Variants in DNAH12 observed in about 807,000 individuals in gnomAD.
The protein encoded by DNAH12 is dynein axonemal heavy chain 12.
A neutral mutation model predicts 371.5 loss-of-function variants in DNAH12; 285 were observed. That is an observed-to-expected ratio of 0.77 (90% CI 0.70 to 0.85). The LOEUF is 0.85. Among genes scored for constraint, DNAH12 ranks in the 40% least tolerant of loss-of-function variants. DNAH12 has a pLI of 0.00. For missense variants in DNAH12, 3,611 were observed against 3,689.4 expected, an observed-to-expected ratio of 0.98 and a Z score of 0.55; for synonymous variants, 1,200 against 1,213.0, an observed-to-expected ratio of 0.99 and a Z score of 0.22.
At chr3:57,505,918 A>AT (rs911267471) in intron 8 of DNAH12, among the ~76,000 whole-genome samples, 25 of 150,470 alleles carry the variant, frequency 1.7e-4, no homozygotes, top group African/African-American at 6.1e-4. Context: ...CTAATTTTTA[A>AT]TTTTTTTTCT....
chr3:57,350,880 T>C (rs2062654870), intron 60 of DNAH12, among the ~76,000 whole-genome samples: 1 of 152,206 alleles, frequency 6.6e-6, no homozygotes, highest in African/African-American at 2.4e-5. Context: ...CATGAACAAG[T>C]GTTCAACTTC....
At chr3:57,412,652 G>C (rs1306250257) in intron 39 of DNAH12, among the ~76,000 whole-genome samples, 4 of 152,154 alleles carry the variant, frequency 2.6e-5, no homozygotes, top group African/African-American at 7.2e-5. Context: ...ACCTCACCAA[G>C]TAAGATACAG....
rs553538339 is a variant in DNAH12 at position 57,304,183 on chromosome 3, C to T, written c.11190-2244G>A. On this transcript the variant is annotated intron_variant, in intron 69 of 73. Coordinates refer to ENST00000495027, the MANE Select transcript of DNAH12 (RefSeq NM_001366028.2). ...ACAAAACCTCTCTTTTCGGACTCAG[C>T]CTGCGTGCACCCAGGTGATTAAAAG... Among the ~76,000 whole-genome samples, 12 of 152,240 alleles carry T rather than the reference C, an allele frequency of 7.9e-5. No homozygotes were observed. In the East Asian group the frequency reaches 9.7e-4, roughly 12 times the overall value.
At chr3:57,316,683 A>G (rs879765195) in intron 65 of DNAH12, among the ~76,000 whole-genome samples, 1 of 152,132 alleles carries the variant, frequency 6.6e-6, no homozygotes, top group Non-Finnish European at 1.5e-5. Flanking sequence ...TGACTCAATC[A>G]TGGGGGCAGT....
At chr3:57,524,595 G>C (rs1238384615) in intron 2 of DNAH12, among the ~76,000 whole-genome samples, 1 of 151,914 alleles carries the variant, frequency 6.6e-6, no homozygotes, top group Non-Finnish European at 1.5e-5. Flanking sequence ...GTTTAAGTGA[G>C]AAGAAAAAAA....
intron 42 of DNAH12, among the ~76,000 whole-genome samples, chr3:57,404,118 G>C (rs941445942): frequency 6.6e-6 from 1 of 152,168 alleles, no homozygotes; most frequent in Non-Finnish European, 1.5e-5. Flanking sequence ...ATAGCCTAGA[G>C]AAATTCTCAC....
rs1553679697 is a variant in DNAH12, at chr3:57,403,335, T to A, written c.6922A>T (p.Met2308Leu). ...FQPEISKSYGMNEWREDMKGL... is the reference protein window; with the variant it reads ...FQPEISKSYGLNEWREDMKGL... The stretch of plus-strand genomic sequence containing the variant: ...TTCATATCCTCTCTCCATTCATTCA[T>A]ACCATAGCTCTTAGAAATTTCTGGT... The change falls in exon 43 of 74, where the codon ATG becomes TTG. Residue 2308 changes from methionine to leucine, a missense_variant. This residue lies in a region of DNAH12 where 2,266 missense variants were observed against 2,236.9 expected (regional missense o/e 1.01). Transcript: ENST00000495027. 11 of 1,550,486 alleles carry A rather than the reference T, an allele frequency of 7.1e-6. No homozygotes were observed. The Middle Eastern group carries it at 1.0e-3, about 141-fold the overall frequency.
In DNAH12 at chr3:57,375,370, C is replaced by G. The variant is rs1433190278; in HGVS notation, c.8759+1G>C. On this transcript the variant is annotated splice_donor_variant, in intron 55 of 73. Transcript: ENST00000495027. LOFTEE classifies it high-confidence loss of function. ...AAAAACAAATAGTTTATATTTCTTACCAACGCCTACAGTTGTTAACGATCA... is the reference window on the plus strand; with the variant it reads ...AAAAACAAATAGTTTATATTTCTTAGCAACGCCTACAGTTGTTAACGATCA... 1.3e-5 allele frequency: 2 copies of G among 152,058 alleles called. No homozygotes were observed. Among genetic ancestry groups the G allele is most frequent in the Non-Finnish European group, 2.9e-5 (2 of 67,976 alleles). 9.4% of individuals were successfully genotyped at this position (152,058 alleles called of 1,614,324 possible). A position where few individuals can be genotyped will look rare whatever the true frequency, so the allele number is the denominator to read the frequency against.
At chr3:57,324,399 T>C (rs960951523) in intron 62 of DNAH12, among the ~76,000 whole-genome samples, 3 of 152,242 alleles carry the variant, frequency 2.0e-5, no homozygotes, top group African/African-American at 7.2e-5. Context: ...CAGCCAAAGA[T>C]GGCCTGGGAG....
chr3:57,525,842 A>C (rs2068629494), intron 2 of DNAH12, among the ~76,000 whole-genome samples: 1 of 133,980 alleles, frequency 7.5e-6, no homozygotes, highest in Non-Finnish European at 1.5e-5. Context: ...GACTCACCAA[A>C]ACCTCTGCCA....
intron 13 of DNAH12, among the ~76,000 whole-genome samples, chr3:57,474,331 T>G (rs938609372): frequency 2.0e-5 from 3 of 152,284 alleles, no homozygotes; most frequent in African/African-American, 7.2e-5. Context: ...AGTTTCACTC[T>G]TGTTGCCCAG....
chr3:57,454,446 C>T (rs966248328), intron 23 of DNAH12, among the ~76,000 whole-genome samples: 1 of 150,364 alleles, frequency 6.7e-6, no homozygotes, highest in Non-Finnish European at 1.5e-5. Flanking sequence ...TGCCTTTGCA[C>T]TCCAGCCTAG....
chr3:57,380,402 G>C (rs2063364318), intron 50 of DNAH12, 35 bp from the exon 51 acceptor site: 1 of 152,268 alleles, frequency 6.6e-6, no homozygotes, highest in African/African-American at 2.4e-5. Context: ...TGTTAAATTT[G>C]CAACTAAAAA....
At chr3:57,316,608 C>T (rs2061690743) in intron 65 of DNAH12, among the ~76,000 whole-genome samples, 1 of 152,120 alleles carries the variant, frequency 6.6e-6, no homozygotes, top group African/African-American at 2.4e-5. Flanking sequence ...TAAATCTCAG[C>T]TCAATTTGTA....
Position 57,468,780 on chromosome 3 carries a change from T to C in DNAH12, c.2305A>G (p.Ile769Val), listed in dbSNP as rs1368001590. ...TCCATGACTGTACTGCACATAGTAA[T>C]AGTAGCATTGTCTTTTGGTTCTTCT... is the stretch of plus-strand genomic sequence containing the variant. ...IEEEPKDNAT[I>V]TMCSTVMEQI... Residue 769 changes from isoleucine to valine, a missense_variant, in exon 17 of 74, where the codon ATT (isoleucine) becomes GTT (valine). By Grantham distance (29) the Ile-to-Val change is conservative. Coordinates refer to ENST00000495027, the MANE Select transcript of DNAH12 (RefSeq NM_001366028.2). The C allele has an allele frequency of 6.5e-7, 1 of 1,529,194 alleles. No homozygotes were observed. Among genetic ancestry groups the C allele is most frequent in the African/African-American group, 1.4e-5 (1 of 71,098 alleles). 94.7% of individuals were successfully genotyped at this position (1,529,194 alleles called of 1,614,324 possible). A position where few individuals can be genotyped will look rare whatever the true frequency, so the allele number is the denominator to read the frequency against.
intron 39 of DNAH12, 42 bp downstream of exon 39, chr3:57,413,704 T>G (rs2064275681): frequency 3.3e-6 from 5 of 1,503,746 alleles, no homozygotes; most frequent in Non-Finnish European, 4.4e-6. Flanking sequence ...AAATAAAAAC[T>G]GAGGTATAAC....
chr3:57,323,654 CT>C, intron 62 of DNAH12, 35 bp from the exon 63 acceptor site: 1 of 1,477,204 alleles, frequency 6.8e-7, no homozygotes, highest in East Asian at 2.5e-5. Context: ...TTTAGAGCAA[CT>C]TTTATTTCAC....
intron 2 of DNAH12, among the ~76,000 whole-genome samples, chr3:57,539,819 T>C (rs1575755849): frequency 6.6e-6 from 1 of 151,916 alleles, no homozygotes; most frequent in Non-Finnish European, 1.5e-5. Context: ...GGTTTCACTG[T>C]GTTAGCCAGG....
chr3:57,421,832 A>G, intron 35 of DNAH12, 126 bp from the exon 36 acceptor site: 1 of 1,008,306 alleles, frequency 9.9e-7, no homozygotes, highest in Non-Finnish European at 1.5e-6. Flanking sequence ...AAGTGTAAAT[A>G]AAGTAGAATG....
Sources: gnomAD v4.1 joint callset for allele counts (sites outside exome capture counted in the v4.1 genomes callset) on GRCh38, gnomAD v4.1.1 for gene constraint, gnomAD v4.1.1 regional missense constraint, MANE v1.5 for transcripts, NCBI Gene and HGNC (gene_info 2026-07-23, HGNC 2026-07-21) for gene names.